Variants in CTNNA3 observed in about 807,000 individuals in gnomAD.
CTNNA3 encodes catenin alpha-3.
A neutral mutation model predicts 95.7 loss-of-function variants in CTNNA3; 76 were observed. The observed-to-expected ratio is 0.79, with a 90% CI of 0.66 to 0.96. The LOEUF is 0.96. CTNNA3 is among the 40% of genes least tolerant of loss of function. CTNNA3 has a pLI of 0.00. For synonymous variants in CTNNA3, 431 were observed against 374.4 expected (o/e 1.15, Z -1.74); for missense variants, 1,191 against 1,089.8 (o/e 1.09, Z -1.31).
chr10:66,955,233 AT>A (rs148708917), intron 7 of CTNNA3, among the ~76,000 whole-genome samples: 2,771 of 152,254 alleles, frequency 0.018, 75 homozygotes, highest in African/African-American at 0.063. Context: ...AGGAAAATGG[AT>A]GTTATATACA....
chr10:67,679,312 C>T (rs1840585798), intron 1 of CTNNA3, among the ~76,000 whole-genome samples: 2 of 152,058 alleles, frequency 1.3e-5, no homozygotes, highest in Admixed American at 6.5e-5. Flanking sequence ...GTTATGACAG[C>T]CAAAAATGTC....
At chr10:67,040,189 T>A (rs1199566824) in intron 7 of CTNNA3, among the ~76,000 whole-genome samples, 1 of 152,156 alleles carries the variant, frequency 6.6e-6, no homozygotes, top group Non-Finnish European at 1.5e-5. Context: ...AATGGTGCCC[T>A]TTAATGTTCT....
intron 6 of CTNNA3, among the ~76,000 whole-genome samples, chr10:67,212,502 T>G (rs1384061003): frequency 1.3e-5 from 2 of 151,998 alleles, no homozygotes; most frequent in Non-Finnish European, 2.9e-5. Flanking sequence ...ATTACTATAA[T>G]TTACTCATTT....
intron 15 of CTNNA3, among the ~76,000 whole-genome samples, chr10:66,054,293 T>C (rs1650177712): frequency 6.6e-6 from 1 of 152,130 alleles, no homozygotes. Flanking sequence ...AGATTTTGAG[T>C]AACCTCTATA....
chr10:66,340,023 C>A (rs2092437546), intron 12 of CTNNA3, among the ~76,000 whole-genome samples: 1 of 151,638 alleles, frequency 6.6e-6, no homozygotes, highest in African/African-American at 2.4e-5. Flanking sequence ...ATTAATAATA[C>A]ATGTACTAAT....
At chr10:65,963,118 A>G (rs2133246491) in intron 17 of CTNNA3, among the ~76,000 whole-genome samples, 1 of 152,284 alleles carries the variant, frequency 6.6e-6, no homozygotes, top group South Asian at 2.1e-4. Flanking sequence ...TTAACTTTGA[A>G]ATACATAGAT....
chr10:65,920,052 T>C lies in CTNNA3; in HGVS notation c.*278A>G, dbSNP rs2077057963. 1 of 438,422 alleles carries C rather than the reference T, an allele frequency of 2.3e-6. No homozygotes were observed. Among genetic ancestry groups the C allele is most frequent in the South Asian group, 2.7e-5 (1 of 36,460 alleles). 27.2% of individuals were successfully genotyped at this position (438,422 alleles called of 1,614,324 possible). On this transcript the variant is annotated 3_prime_UTR_variant, in exon 18 of 18. Coordinates refer to ENST00000433211, the MANE Select transcript of CTNNA3 (RefSeq NM_013266.4). The stretch of plus-strand genomic sequence containing the variant: ...CCTGTGTTTATTTGGTAACGAATAG[T>C]AGATAATCTCTATGATGGGAAACGC...
chr10:66,990,889 T>C (rs899721237), intron 7 of CTNNA3, among the ~76,000 whole-genome samples: 9 of 152,202 alleles, frequency 5.9e-5, no homozygotes, highest in African/African-American at 1.7e-4. Flanking sequence ...GTAGACCAAG[T>C]AGAACTCTAG....
At chr10:67,026,030 T>C (rs1043426003) in intron 7 of CTNNA3, among the ~76,000 whole-genome samples, 45 of 150,236 alleles carry the variant, frequency 3.0e-4, no homozygotes, top group Admixed American at 2.8e-3. Flanking sequence ...ACACCGCATG[T>C]TCTCATTCAT....
intron 5 of CTNNA3, among the ~76,000 whole-genome samples, chr10:67,365,050 G>C (rs943041076): frequency 4.6e-5 from 7 of 152,230 alleles, no homozygotes; most frequent in Admixed American, 4.6e-4. Flanking sequence ...CAACAGAACA[G>C]AGGCCTCAGA....
intron 14 of CTNNA3, among the ~76,000 whole-genome samples, chr10:66,092,464 T>C (rs1434804501): frequency 6.6e-6 from 1 of 151,928 alleles, no homozygotes. Flanking sequence ...GTTTCAGACT[T>C]CTATTACTGC....
At chr10:66,567,727 A>G (rs1842756782) in intron 10 of CTNNA3, among the ~76,000 whole-genome samples, 1 of 152,180 alleles carries the variant, frequency 6.6e-6, no homozygotes, top group Non-Finnish European at 1.5e-5. Context: ...TTTTACTAAG[A>G]TATTGTTTTC....
rs191523591 is a variant in CTNNA3, at chr10:67,329,315, C to T, written c.580-109445G>A. Among the ~76,000 whole-genome samples, 4 of 152,320 alleles carry T rather than the reference C, an allele frequency of 2.6e-5. No individual in the cohort carries two copies. The East Asian group carries it at 7.7e-4, about 29-fold the overall frequency. ...CAACCCAGGAGGTCAAGGCTGCAGT[C>T]AGCTGAGATGATGCCACTGCACTTT... On this transcript the variant is annotated intron_variant, in intron 5 of 17. Transcript: ENST00000433211.
chr10:66,761,538 C>T (rs1339933525), intron 9 of CTNNA3, among the ~76,000 whole-genome samples: 2 of 151,932 alleles, frequency 1.3e-5, no homozygotes, highest in Non-Finnish European at 2.9e-5. Context: ...GATTGTAGTG[C>T]TCAGCATGAA....
chr10:66,327,783 T>C (rs2092273976), intron 12 of CTNNA3, among the ~76,000 whole-genome samples: 1 of 152,096 alleles, frequency 6.6e-6, no homozygotes, highest in Non-Finnish European at 1.5e-5. Flanking sequence ...TTCTTAAAAC[T>C]GTATCATGAA....
intron 10 of CTNNA3, among the ~76,000 whole-genome samples, chr10:66,609,534 A>G (rs976828159): frequency 1.3e-5 from 2 of 151,748 alleles, no homozygotes; most frequent in Non-Finnish European, 2.9e-5. Context: ...AGAAATACAA[A>G]TCAAAACCAC....
intron 7 of CTNNA3, among the ~76,000 whole-genome samples, chr10:66,842,808 C>T (rs1440408783): frequency 6.6e-6 from 1 of 152,072 alleles, no homozygotes; most frequent in Non-Finnish European, 1.5e-5. Flanking sequence ...GAGAAGATGA[C>T]CCTTCCATGA....
At chr10:67,710,885 G>C (rs1018044702) in intron 1 of CTNNA3, among the ~76,000 whole-genome samples, 1 of 152,306 alleles carries the variant, frequency 6.6e-6, no homozygotes, top group Non-Finnish European at 1.5e-5. Flanking sequence ...ATATAGTTTG[G>C]CTGTGTCCCC....
At chr10:67,726,305 CTTACATATTATATATAT>C (rs1841215563) in intron 1 of CTNNA3, among the ~76,000 whole-genome samples, 1 of 56,210 alleles carries the variant, frequency 1.8e-5, no homozygotes, top group Non-Finnish European at 2.8e-5. Flanking sequence ...ATGATATTAT[CTTACATATTATATATAT>C]TATCTTACAT....
Sources: allele counts gnomAD v4.1 joint callset (sites outside exome capture counted in the v4.1 genomes callset), GRCh38; gene constraint gnomAD v4.1.1; transcripts MANE v1.5; gene names NCBI Gene and HGNC (gene_info 2026-07-23, HGNC 2026-07-21).